Variants in CAD observed in about 807,000 individuals in gnomAD.
CAD encodes multifunctional protein CAD.
In CAD, 81 loss-of-function variants were observed where a neutral mutation model predicts 237.2. That is an observed-to-expected ratio of 0.34 (90% CI 0.29 to 0.41). CAD has a LOEUF of 0.41. CAD is among the 10% of genes least tolerant of loss of function. The pLI is 1.00. For synonymous variants in CAD, 1,196 were observed against 1,162.8 expected, an observed-to-expected ratio of 1.03 and a Z score of -0.58; for missense variants, 2,181 against 2,951.7, an observed-to-expected ratio of 0.74 and a Z score of 6.05.
At chr2:27,222,798 G>A in intron 5 of CAD, 68 bp from the exon 6 acceptor site, 2 of 1,581,338 alleles carry the variant, frequency 1.3e-6, no homozygotes, top group Admixed American at 1.7e-5. Flanking sequence ...CATGGGCTGG[G>A]GGGGCTGCAG....
chr2:27,226,024 C>G, intron 12 of CAD, 98 bp downstream of exon 12: 1 of 1,483,888 alleles, frequency 6.7e-7, no homozygotes, highest in Non-Finnish European at 9.4e-7. Flanking sequence ...GTATGTCCCT[C>G]AGACCCAGGT....
rs758733421 is a variant in CAD at position 27,222,177 on chromosome 2, CTG to C, written c.353-14_353-13del. The C allele has an allele frequency of 4.0e-5, 64 of 1,611,422 alleles. No homozygotes were observed. Among genetic ancestry groups the C allele is most frequent in the Non-Finnish European group, 4.6e-5 (54 of 1,178,106 alleles). On this transcript the variant is annotated splice_polypyrimidine_tract_variant and intron_variant, in intron 3 of 43. Transcript: ENST00000264705. ...AGTTGTAGGAATGTGATCCCTAAGA[CTG>C]TGCTATTTTGACAGGAGTAGACACT...
chr2:27,223,789 GTGGGCCTTGATGA>G, intron 7 of CAD, 41 bp downstream of exon 7: 1 of 1,605,976 alleles, frequency 6.2e-7, no homozygotes, highest in Non-Finnish European at 8.5e-7. Flanking sequence ...TTGAAGCCCT[GTGGGCCTTGATGA>G]TGGAAAAGTA....
In CAD at chr2:27,232,465, G is replaced by A. The variant is rs763307714; in HGVS notation, c.2663G>A (p.Arg888His). ...LAVLSTELAV[R>H]KLRQELGICP... is the part of the protein sequence containing the mutation. ...TATTTTAGCACAGAGCTGGCTGTTC[G>A]CAAGCTGCGTCAGGAACTGGGGATC... The change falls in exon 18 of 44, where the codon CGC becomes CAC. Residue 888 changes from arginine to histidine, a missense_variant. Physicochemically the swap from Arg to His is conservative, Grantham distance 29 (BLOSUM62 0). Coordinates refer to ENST00000264705, the MANE Select transcript of CAD (RefSeq NM_004341.5). The surrounding 1 kb of genome is among the most constrained non-coding windows in gnomAD (Gnocchi z 4.1). The A allele has an allele frequency of 8.7e-6, 14 of 1,614,026 alleles. No individual in the cohort carries two copies. Among genetic ancestry groups the A allele is most frequent in the Non-Finnish European group, 8.5e-7 (1 of 1,180,046 alleles).
chr2:27,225,303 C>CTTTCTT, intron 11 of CAD, 60 bp downstream of exon 11: 1 of 542,022 alleles, frequency 1.8e-6, no homozygotes, highest in Non-Finnish European at 3.0e-6. Flanking sequence ...GTGTTATTTT[C>CTTTCTT]TTTTTTTTTT....
At position 27,240,519 on chromosome 2, in the gene CAD, G is replaced by A. The variant is rs774342664; in HGVS notation, c.5593+158G>A. ...TTGCCTAAACAAGTCTCCCCGGTGT[G>A]AGTAGACATCTCACAGCTTCTCACA... On this transcript the variant is annotated intron_variant, in intron 35 of 43. Transcript: ENST00000264705. This position sits in a 1 kb window ranked among gnomAD's most constrained non-coding sequence, Gnocchi z 4.6. 3.2e-6 allele frequency: 5 copies of A among 1,541,788 alleles called. No individual in the cohort carries two copies. Among genetic ancestry groups the A allele is most frequent in the South Asian group, 1.2e-5 (1 of 84,092 alleles).
Position 27,235,714 on chromosome 2 carries a change from T to C in CAD, c.4074+74T>C. ...GTGAAAATACTGCACCAAAGAATTA[T>C]CTGGGCTGGGCACGGTGGCATATAC... On this transcript the variant is annotated intron_variant, in intron 25 of 43. Transcript: ENST00000264705. The surrounding 1 kb of genome is among the most constrained non-coding windows in gnomAD (Gnocchi z 5.2). 1.5e-6 allele frequency: 2 copies of C among 1,307,060 alleles called. No homozygotes were observed. Among genetic ancestry groups the C allele is most frequent in the Non-Finnish European group, 2.2e-6 (2 of 911,878 alleles). 81.0% of individuals were successfully genotyped at this position (1,307,060 alleles called of 1,614,324 possible).
intron 9 of CAD, 70 bp downstream of exon 9, chr2:27,224,560 G>T: frequency 1.3e-5 from 20 of 1,578,754 alleles, no homozygotes; most frequent in Non-Finnish European, 1.6e-5. Flanking sequence ...TAAGGAGAAG[G>T]GCTAAGGTTG....
chr2:27,229,713 A>G (rs1419916011), intron 15 of CAD, among the ~76,000 whole-genome samples: 1 of 150,458 alleles, frequency 6.6e-6, no homozygotes, highest in African/African-American at 2.5e-5. Flanking sequence ...CCATCTCTAG[A>G]AAATATACAA....
At chr2:27,220,050 T>C (rs1675080215) in intron 2 of CAD, among the ~76,000 whole-genome samples, 3 of 152,154 alleles carry the variant, frequency 2.0e-5, no homozygotes, top group Non-Finnish European at 4.4e-5. Context: ...GTTACCTTGT[T>C]TTCTAGCTCC....
In CAD at chr2:27,232,381, T is replaced by C. The variant is rs1219100465; in HGVS notation, c.2646-67T>C. Reference sequence around the variant, plus strand: ...ATTTCCTCTCATCTGTGCCCTGGGGTCTCAACCCTCTATCAGTCTGTACCC... The same window carrying C: ...ATTTCCTCTCATCTGTGCCCTGGGGCCTCAACCCTCTATCAGTCTGTACCC... On this transcript the variant is annotated intron_variant, in intron 17 of 43. Transcript: ENST00000264705. The surrounding 1 kb of genome is among the most constrained non-coding windows in gnomAD (Gnocchi z 4.1). The C allele has an allele frequency of 1.3e-6, 2 of 1,598,840 alleles. No homozygotes were observed. Among genetic ancestry groups the C allele is most frequent in the East Asian group, 2.2e-5 (1 of 44,786 alleles).
At chr2:27,220,201 C>A in intron 2 of CAD, among the ~76,000 whole-genome samples, 1 of 152,018 alleles carries the variant, frequency 6.6e-6, no homozygotes, top group East Asian at 1.9e-4. Context: ...TTCTCTGTTT[C>A]GTGACAAAGA....
Position 27,233,771 on chromosome 2 carries a change from A to G in CAD, c.3362A>G (p.His1121Arg), listed in dbSNP as rs746010896. Residue 1121 changes from histidine to arginine, a missense_variant, in exon 21 of 44, where the codon CAT becomes CGT. Transcript: ENST00000264705. The surrounding 1 kb of genome is among the most constrained non-coding windows in gnomAD (Gnocchi z 6.3). Reference sequence around the variant, plus strand: ...AGCGCAGCAGCCGTCTCCAAAGAGCATCCCGTGGTCATCTCCAAGTTCATC... The same window carrying G: ...AGCGCAGCAGCCGTCTCCAAAGAGCGTCCCGTGGTCATCTCCAAGTTCATC... ...LSSAAAVSKE[H>R]PVVISKFIQE... is the part of the protein sequence containing the mutation. The G allele has an allele frequency of 6.8e-6, 11 of 1,614,018 alleles. No individual in the cohort carries two copies. The East Asian group carries it at 1.1e-4, about 16-fold the overall frequency.
At chr2:27,227,073 G>C in intron 15 of CAD, 111 bp downstream of exon 15, 4 of 900,036 alleles carry the variant, frequency 4.4e-6, no homozygotes, top group Non-Finnish European at 7.0e-6. Flanking sequence ...AGGTGCTTGA[G>C]ACATTTCAAA....
At chr2:27,221,951 C>CT (rs1675192005) in intron 3 of CAD, among the ~76,000 whole-genome samples, 1 of 148,698 alleles carries the variant, frequency 6.7e-6, no homozygotes, top group Non-Finnish European at 1.5e-5. Context: ...TTAGCGTATT[C>CT]TTTTTTTCCC....
intron 2 of CAD, 43 bp downstream of exon 2, chr2:27,218,059 G>A: frequency 2.0e-6 from 3 of 1,530,286 alleles, no homozygotes; most frequent in South Asian, 2.5e-5. Context: ...TTTCAAGTCA[G>A]TAATTGTTAA....
chr2:27,220,970 T>TAATA (rs912717869), intron 2 of CAD, among the ~76,000 whole-genome samples: 11 of 151,776 alleles, frequency 7.2e-5, no homozygotes, highest in Non-Finnish European at 2.9e-5. Context: ...AAAAAATAAA[T>TAATA]AATAAATAAA....
At chr2:27,225,630 CT>C in intron 11 of CAD, 74 bp from the exon 12 acceptor site, 21 of 1,162,558 alleles carry the variant, frequency 1.8e-5, no homozygotes, top group Middle Eastern at 2.8e-4. Context: ...TTCTTTATAT[CT>C]TTTTTTATGT....
chr2:27,233,974 G>T lies in CAD; in HGVS notation c.3400-34G>T. On this transcript the variant is annotated intron_variant, in intron 21 of 43. Transcript: ENST00000264705. The surrounding 1 kb of genome is among the most constrained non-coding windows in gnomAD (Gnocchi z 6.3). ...CTAGAGTAAGTGAGAGAAGAAAGTGGCCCTATGTCCCACTGTCTGTGTCCC... is the reference window on the plus strand; with the variant it reads ...CTAGAGTAAGTGAGAGAAGAAAGTGTCCCTATGTCCCACTGTCTGTGTCCC... The T allele has an allele frequency of 6.3e-7, 1 of 1,593,868 alleles. No individual in the cohort carries two copies. Among genetic ancestry groups the T allele is most frequent in the Non-Finnish European group, 8.6e-7 (1 of 1,164,642 alleles).
Sources: gnomAD v4.1 joint callset for allele counts (sites outside exome capture counted in the v4.1 genomes callset) on GRCh38, gnomAD v4.1.1 for gene constraint, Gnocchi (gnomAD v3.1) non-coding constraint, MANE v1.5 for transcripts, NCBI Gene and HGNC (gene_info 2026-07-23, HGNC 2026-07-21) for gene names.